ABCA13: variants seen among roughly 807,000 people sequenced by gnomAD.
The protein encoded by ABCA13 is ATP binding cassette subfamily A member 13, also known as ATP-binding cassette sub-family A member 13.
A neutral mutation model predicts 478.7 loss-of-function variants in ABCA13; 476 were observed. The observed-to-expected ratio is 0.99, with a 90% confidence interval of 0.92 to 1.07. The LOEUF is 1.07. Among genes scored for constraint, ABCA13 ranks in the 50% least tolerant of loss-of-function variants. The pLI is 0.00. For synonymous variants in ABCA13, 2,252 were observed against 2,158.9 expected (o/e 1.04, Z -1.20); for missense variants, 6,060 against 5,910.6 (o/e 1.03, Z -0.83).
At chr7:48,551,567 G>A (rs7806480) in intron 55 of ABCA13, among the ~76,000 whole-genome samples, 21,202 of 149,596 alleles carry the variant, frequency 0.14, 2,057 homozygotes, top group African/African-American at 0.23. Flanking sequence ...CTGCTTTTAG[G>A]TTATTACTTT....
intron 50 of ABCA13, among the ~76,000 whole-genome samples, chr7:48,508,450 G>C (rs996118450): frequency 6.6e-6 from 1 of 152,074 alleles, no homozygotes; most frequent in African/African-American, 2.4e-5. Context: ...TGCCTAATAG[G>C]TATGGCGGGT....
chr7:48,545,316 G>C (rs1784728781), intron 55 of ABCA13, among the ~76,000 whole-genome samples: 2 of 151,686 alleles, frequency 1.3e-5, no homozygotes, highest in South Asian at 4.2e-4. Flanking sequence ...ATTAATTTCT[G>C]TCTAGGATTA....
chr7:48,209,742 A>G lies in ABCA13; in HGVS notation c.288-9612A>G, dbSNP rs112339857. On this transcript the variant is annotated intron_variant, in intron 3 of 61. Coordinates refer to ENST00000435803, the MANE Select transcript of ABCA13 (RefSeq NM_152701.5). ...CTTCCAAAAGCAATCTGCAAATTCA[A>G]TGTAATTTCTACCAAATCGATGTAT... Among the ~76,000 whole-genome samples the G allele has an allele frequency of 6.0e-3, 918 of 152,312 alleles. 13 individuals carry two copies. The highest frequency in any genetic ancestry group is 0.02 in the African/African-American group (843 of 41,572).
At chr7:48,269,266 A>G (rs1298063301) in intron 16 of ABCA13, among the ~76,000 whole-genome samples, 172 bp downstream of exon 16, 1 of 152,194 alleles carries the variant, frequency 6.6e-6, no homozygotes, top group Non-Finnish European at 1.5e-5. Context: ...TGTGTGACTC[A>G]AGTATCAAGT....
At chr7:48,603,898 A>G (rs1041622492) in intron 58 of ABCA13, 13 of 152,142 alleles carry the variant, frequency 8.5e-5, no homozygotes, top group African/African-American at 3.1e-4. Flanking sequence ...TTACTGCCTC[A>G]ATTTCAGAAT....
At chr7:48,617,990 T>A (rs1272080367) in intron 59 of ABCA13, among the ~76,000 whole-genome samples, 1 of 152,036 alleles carries the variant, frequency 6.6e-6, no homozygotes, top group African/African-American at 2.4e-5. Context: ...ACCAAAGAAC[T>A]TTTCCTACCT....
chr7:48,454,909 T>C, intron 42 of ABCA13, 128 bp from the exon 43 acceptor site: 1 of 1,299,570 alleles, frequency 7.7e-7, no homozygotes, highest in South Asian at 1.6e-5. Context: ...GGAGTCCTCA[T>C]GGGGTGGGCC....
chr7:48,433,421 A>T (rs560790795), intron 42 of ABCA13, among the ~76,000 whole-genome samples: 1 of 149,924 alleles, frequency 6.7e-6, no homozygotes, highest in African/African-American at 2.4e-5. Context: ...ATTAACTAGC[A>T]AATGTGTTTT....
At chr7:48,609,823 A>G (rs1791844136) in intron 58 of ABCA13, among the ~76,000 whole-genome samples, 1 of 152,136 alleles carries the variant, frequency 6.6e-6, no homozygotes, top group South Asian at 2.1e-4. Context: ...TAACAACCAG[A>G]TCTCATGAGA....
Position 48,594,760 on chromosome 7 carries a change from A to G in ABCA13, c.14691A>G (p.Gln4897=). 6.2e-7 allele frequency: 1 copy of G among 1,613,968 alleles called. No homozygotes were observed. The highest frequency in any genetic ancestry group is 2.2e-5 in the East Asian group (1 of 44,870). ...CCTGCTCTAAGCGGTACCTGTGGCAAACAATAATGAAGGAGGTTCGGGAAG... is the reference window on the plus strand; with the variant it reads ...CCTGCTCTAAGCGGTACCTGTGGCAGACAATAATGAAGGAGGTTCGGGAAG... ...MDPCSKRYLW[Q]TIMKEVREGC... Residue 4897 remains glutamine, a synonymous_variant, in exon 58 of 62, where the codon CAA becomes CAG. Transcript: ENST00000435803.
chr7:48,254,592 G>T (rs1241607555), intron 15 of ABCA13, among the ~76,000 whole-genome samples: 1 of 152,000 alleles, frequency 6.6e-6, no homozygotes, highest in African/African-American at 2.4e-5. Flanking sequence ...GAGATAATGC[G>T]ACACTCTGCA....
chr7:48,291,604 C>A (rs556788078), intron 20 of ABCA13, among the ~76,000 whole-genome samples: 1 of 152,264 alleles, frequency 6.6e-6, no homozygotes, highest in East Asian at 1.9e-4. Context: ...CTTCTTAATT[C>A]AATCCCTGCT....
At chr7:48,330,276 C>G (rs1477240821) in intron 27 of ABCA13, among the ~76,000 whole-genome samples, 3 of 147,564 alleles carry the variant, frequency 2.0e-5, no homozygotes, top group Non-Finnish European at 4.5e-5. Context: ...CATCCATCCA[C>G]ACATCTATCT....
chr7:48,575,760 T>C (rs2131342361), intron 55 of ABCA13, among the ~76,000 whole-genome samples: 1 of 152,222 alleles, frequency 6.6e-6, no homozygotes, highest in East Asian at 1.9e-4. Context: ...AGCTTGCAAG[T>C]TGTCACTTTC....
At chr7:48,228,067 G>A (rs1788494742) in intron 6 of ABCA13, among the ~76,000 whole-genome samples, 1 of 152,144 alleles carries the variant, frequency 6.6e-6, no homozygotes, top group Non-Finnish European at 1.5e-5. Flanking sequence ...ATTATTTTGT[G>A]TAAACTCATT....
intron 5 of ABCA13, among the ~76,000 whole-genome samples, chr7:48,226,029 G>A (rs557163051): frequency 1.3e-5 from 2 of 152,196 alleles, no homozygotes; most frequent in Non-Finnish European, 1.5e-5. Flanking sequence ...TTGGCAGAAT[G>A]GAATGTGGGG....
chr7:48,179,555 T>C (rs546218062), intron 1 of ABCA13, among the ~76,000 whole-genome samples: 1 of 152,312 alleles, frequency 6.6e-6, no homozygotes, highest in African/African-American at 2.4e-5. Flanking sequence ...TTGGAGCTCC[T>C]GGGAGAATTG....
At chr7:48,605,428 T>C (rs777601090) in intron 58 of ABCA13, among the ~76,000 whole-genome samples, 3 of 152,200 alleles carry the variant, frequency 2.0e-5, no homozygotes, top group Non-Finnish European at 2.9e-5. Context: ...GCCCTGGTGG[T>C]GACAAAATCT....
intron 58 of ABCA13, among the ~76,000 whole-genome samples, chr7:48,596,804 A>G (rs1046805438): frequency 3.3e-5 from 5 of 151,546 alleles, no homozygotes; most frequent in African/African-American, 1.2e-4. Context: ...TCTCAAAAAC[A>G]ACAACCACAA....
Sources: allele counts gnomAD v4.1 joint callset (sites outside exome capture counted in the v4.1 genomes callset), GRCh38; gene constraint gnomAD v4.1.1; transcripts MANE v1.5; gene names NCBI Gene and HGNC (gene_info 2026-07-23, HGNC 2026-07-21).